TNR: variants seen among roughly 807,000 people sequenced by gnomAD.
The protein encoded by TNR is tenascin R, also known as tenascin-R.
Under a neutral mutation model 150.4 loss-of-function variants are expected in TNR, and 45 were observed. The ratio of observed to expected loss-of-function variants is 0.30; its 90% CI spans 0.24 to 0.38. TNR has a LOEUF of 0.38. Among genes scored for constraint, TNR ranks in the 10% least tolerant of loss-of-function variants. The pLI, the probability that TNR is intolerant of heterozygous loss-of-function variation, is 1.00. For synonymous variants in TNR, 687 were observed against 678.4 expected (o/e 1.01, Z -0.20); for missense variants, 1,544 against 1,759.1 (o/e 0.88, Z 2.19).
At chr1:175,499,270 G>A (rs1557971167) in intron 2 of TNR, among the ~76,000 whole-genome samples, 1 of 152,148 alleles carries the variant, frequency 6.6e-6, no homozygotes, top group Non-Finnish European at 1.5e-5. Flanking sequence ...AGCATGCCTC[G>A]TGAGTAATAA....
intron 1 of TNR, among the ~76,000 whole-genome samples, chr1:175,732,975 C>A (rs1226030841): frequency 6.6e-6 from 1 of 152,148 alleles, no homozygotes; most frequent in African/African-American, 2.4e-5. Context: ...TTTCTAAATC[C>A]AGGAGATCCT....
At chr1:175,696,217 GTTTTTT>G (rs5778870) in intron 1 of TNR, among the ~76,000 whole-genome samples, 2 of 40,460 alleles carry the variant, frequency 4.9e-5, no homozygotes, top group Admixed American at 3.2e-4. Flanking sequence ...CCTTCCTGTA[GTTTTTT>G]TTTTTTTTTT....
intron 1 of TNR, among the ~76,000 whole-genome samples, chr1:175,729,580 A>T (rs1321339776): frequency 6.6e-6 from 1 of 152,120 alleles, no homozygotes; most frequent in African/African-American, 2.4e-5. Flanking sequence ...GGCATAAGCC[A>T]CCATGCCTAG....
intron 2 of TNR, among the ~76,000 whole-genome samples, chr1:175,522,663 A>G (rs977095867): frequency 6.6e-6 from 1 of 152,214 alleles, no homozygotes; most frequent in Non-Finnish European, 1.5e-5. Flanking sequence ...GAAAAAAAAG[A>G]ATCATTTGGT....
intron 2 of TNR, among the ~76,000 whole-genome samples, chr1:175,526,799 C>T (rs987471964): frequency 2.6e-5 from 4 of 152,216 alleles, no homozygotes; most frequent in Non-Finnish European, 5.9e-5. Context: ...CATGAGGGGA[C>T]CTGGCTGCCT....
intron 2 of TNR, among the ~76,000 whole-genome samples, chr1:175,455,939 C>T (rs759005528): frequency 6.6e-5 from 10 of 152,068 alleles, no homozygotes; most frequent in South Asian, 2.1e-4. Flanking sequence ...TGAGAGTGAA[C>T]GGGGGCACTA....
chr1:175,727,816 G>A (rs1667519373), intron 1 of TNR, among the ~76,000 whole-genome samples: 1 of 152,074 alleles, frequency 6.6e-6, no homozygotes, highest in South Asian at 2.1e-4. Context: ...GGAAAATGAG[G>A]GACTGCCTGT....
At chr1:175,338,590 A>G (rs1650357500) in intron 18 of TNR, among the ~76,000 whole-genome samples, 1 of 152,092 alleles carries the variant, frequency 6.6e-6, no homozygotes, top group East Asian at 1.9e-4. Context: ...GATGAAGAGC[A>G]TGCTGCGATT....
At chr1:175,449,407 T>C (rs540458155) in intron 2 of TNR, among the ~76,000 whole-genome samples, 1 of 152,170 alleles carries the variant, frequency 6.6e-6, no homozygotes, top group Non-Finnish European at 1.5e-5. Flanking sequence ...TCCCACAGGA[T>C]GTCTTAAGGG....
chr1:175,576,172 G>A (rs973959603), intron 1 of TNR, among the ~76,000 whole-genome samples: 1 of 152,226 alleles, frequency 6.6e-6, no homozygotes, highest in East Asian at 1.9e-4. Context: ...CCTGCTGTGT[G>A]CAGCTGCGGG....
intron 1 of TNR, among the ~76,000 whole-genome samples, chr1:175,664,613 G>A (rs1371602681): frequency 6.6e-6 from 1 of 152,140 alleles, no homozygotes; most frequent in Non-Finnish European, 1.5e-5. Context: ...TTCTATAATT[G>A]CAAAGCTTCC....
chr1:175,338,072 G>A (rs1193151245), intron 18 of TNR, among the ~76,000 whole-genome samples: 1 of 152,174 alleles, frequency 6.6e-6, no homozygotes, highest in Non-Finnish European at 1.5e-5. Context: ...GGTTACTCAG[G>A]CAATGATTAC....
intron 1 of TNR, among the ~76,000 whole-genome samples, chr1:175,575,333 A>G (rs777885023): frequency 3.3e-5 from 5 of 152,190 alleles, no homozygotes; most frequent in Non-Finnish European, 7.3e-5. Context: ...ATTTTTTACT[A>G]TAGCATAACC....
At chr1:175,356,217 C>G (rs1369563902) in intron 16 of TNR, 102 bp downstream of exon 16, 1 of 1,488,454 alleles carries the variant, frequency 6.7e-7, no homozygotes, top group African/African-American at 1.4e-5. Context: ...CATAGCTGCC[C>G]TGTCCAAAGC....
intron 1 of TNR, among the ~76,000 whole-genome samples, chr1:175,720,418 C>T (rs984683743): frequency 1.3e-5 from 2 of 152,202 alleles, no homozygotes; most frequent in Admixed American, 6.5e-5. Context: ...GTTTAAACCT[C>T]CTAGGCTATG....
rs1008222864 is a variant in TNR at position 175,588,253 on chromosome 1, C to G, written c.-164-59884G>C. On this transcript the variant is annotated intron_variant, in intron 1 of 22. Transcript: ENST00000367674. Reference sequence around the variant, plus strand: ...TGGACTAATTCTTAATGGCCTATCTCAAAACTTTGTGGCGGTAGCAGTGTG... The same window carrying G: ...TGGACTAATTCTTAATGGCCTATCTGAAAACTTTGTGGCGGTAGCAGTGTG... Among the ~76,000 whole-genome samples the G allele has an allele frequency of 1.6e-4, 25 of 152,144 alleles. 1 individual carries two copies.
intron 6 of TNR, among the ~76,000 whole-genome samples, chr1:175,393,398 G>C (rs1357208726): frequency 6.6e-6 from 1 of 152,206 alleles, no homozygotes; most frequent in Non-Finnish European, 1.5e-5. Flanking sequence ...GGCTGATTAT[G>C]TGATGGATTC....
At chr1:175,336,093 C>T (rs541294643) in intron 19 of TNR, among the ~76,000 whole-genome samples, 16 of 152,292 alleles carry the variant, frequency 1.1e-4, no homozygotes, top group African/African-American at 3.6e-4. Context: ...AGAAAGGACT[C>T]AGGATACATA....
Position 175,425,241 on chromosome 1 carries a change from A to G in TNR, c.-63-18464T>C, listed in dbSNP as rs551876246. 1.3e-5 allele frequency among the ~76,000 whole-genome samples: 2 copies of G among 152,322 alleles called. 1 individual carries two copies. Among genetic ancestry groups the G allele is most frequent in the Middle Eastern group, 6.8e-3 (2 of 292 alleles). ...GGAGAGGAGGCACTCAACAGAATCT[A>G]GTCTGGAATCTAGTCTGAGTGTACT... On this transcript the variant is annotated intron_variant, in intron 2 of 22. Coordinates refer to ENST00000367674, the MANE Select transcript of TNR (RefSeq NM_003285.3).
Sources: allele counts gnomAD v4.1 joint callset (sites outside exome capture counted in the v4.1 genomes callset), GRCh38; gene constraint gnomAD v4.1.1; transcripts MANE v1.5; gene names NCBI Gene and HGNC (gene_info 2026-07-23, HGNC 2026-07-21).